Variants in PALLD observed in about 807,000 individuals in gnomAD.
PALLD encodes the protein palladin.
Under a neutral mutation model 123.5 loss-of-function variants are expected in PALLD, and 61 were observed. The ratio of observed to expected loss-of-function variants is 0.49; its 90% CI spans 0.40 to 0.61. PALLD has a LOEUF of 0.61. Ranked by LOEUF, PALLD falls within the 20% of genes least tolerant of loss-of-function variation. The pLI is 0.00. For missense variants in PALLD, 1,273 were observed against 1,377.0 expected (o/e 0.92, Z 1.20); for synonymous variants, 465 against 496.4 (o/e 0.94, Z 0.84).
intron 10 of PALLD, among the ~76,000 whole-genome samples, chr4:168,877,492 A>G (rs1227943813): frequency 3.9e-5 from 6 of 152,212 alleles, no homozygotes; most frequent in Admixed American, 6.5e-5. Context: ...GGATCACCTT[A>G]TGTGAAACTT....
At chr4:168,690,530 TTC>T in intron 6 of PALLD, 71 bp from the exon 7 acceptor site, 3 of 1,575,794 alleles carry the variant, frequency 1.9e-6, no homozygotes, top group Non-Finnish European at 2.6e-6. Context: ...GGAATTTTTA[TTC>T]TGTGTTGTGA....
At chr4:168,868,958 G>T (rs1750712222) in intron 10 of PALLD, among the ~76,000 whole-genome samples, 1 of 152,138 alleles carries the variant, frequency 6.6e-6, no homozygotes, top group African/African-American at 2.4e-5. Flanking sequence ...TTGCGTTTTT[G>T]ACTGATAACC....
chr4:168,627,600 T>C (rs1005085324), intron 2 of PALLD, among the ~76,000 whole-genome samples: 1 of 152,198 alleles, frequency 6.6e-6, no homozygotes, highest in African/African-American at 2.4e-5. Flanking sequence ...GACAGGCCTA[T>C]CTATGACTCT....
chr4:168,712,558 T>C (rs1784934715), intron 10 of PALLD, among the ~76,000 whole-genome samples: 1 of 152,180 alleles, frequency 6.6e-6, no homozygotes, highest in South Asian at 2.1e-4. Context: ...GCATGAGCTG[T>C]TTCCATTGGC....
At chr4:168,659,938 A>AT (rs1303653932) in intron 2 of PALLD, among the ~76,000 whole-genome samples, 3 of 152,182 alleles carry the variant, frequency 2.0e-5, no homozygotes, top group African/African-American at 7.2e-5. Flanking sequence ...GCCATATGTG[A>AT]TTTTTTAACA....
intron 18 of PALLD, 93 bp downstream of exon 18, chr4:168,921,834 T>C (rs920831869): frequency 1.3e-5 from 13 of 988,326 alleles, no homozygotes; most frequent in Non-Finnish European, 1.9e-5. Context: ...ATACGGAAAA[T>C]AAAGTATTGA....
At chr4:168,801,789 A>G (rs1430358131) in intron 10 of PALLD, among the ~76,000 whole-genome samples, 1 of 152,180 alleles carries the variant, frequency 6.6e-6, no homozygotes, top group Admixed American at 6.5e-5. Flanking sequence ...GGTGTCAGGG[A>G]ACCTGCCTGC....
intron 15 of PALLD, among the ~76,000 whole-genome samples, chr4:168,906,296 T>C (rs1271243691): frequency 1.3e-5 from 2 of 152,194 alleles, no homozygotes; most frequent in South Asian, 4.1e-4. Flanking sequence ...CAAAAGAACA[T>C]AAACGTAAAA....
intron 10 of PALLD, among the ~76,000 whole-genome samples, chr4:168,776,838 G>A (rs1037052484): frequency 1.3e-5 from 2 of 152,098 alleles, no homozygotes; most frequent in Non-Finnish European, 2.9e-5. Context: ...TCATCATGAT[G>A]TAATTACCTT....
chr4:168,540,984 C>T (rs1765554591), intron 2 of PALLD, among the ~76,000 whole-genome samples: 1 of 152,172 alleles, frequency 6.6e-6, no homozygotes, highest in East Asian at 1.9e-4. Context: ...AAATTGTTGA[C>T]CTATCATGGA....
At chr4:168,600,082 TATATACATGCATGTGTATGC>T (rs1772460239) in intron 2 of PALLD, among the ~76,000 whole-genome samples, 1 of 107,658 alleles carries the variant, frequency 9.3e-6, no homozygotes, top group Non-Finnish European at 2.3e-5. Context: ...TACACACACA[TATATACATGCATGTGTATGC>T]ACACATATAT....
intron 10 of PALLD, chr4:168,756,335 G>A (rs7439293): frequency 0.42 from 93,409 of 223,958 alleles, 23,643 homozygotes; most frequent in Non-Finnish European, 0.57. Context: ...AGAACATTTT[G>A]GATGGTATCT....
chr4:168,742,236 T>C (rs760350343), intron 10 of PALLD, among the ~76,000 whole-genome samples: 2 of 152,184 alleles, frequency 1.3e-5, no homozygotes, highest in Non-Finnish European at 2.9e-5. Context: ...CCTTCTTGAG[T>C]TCCATACCCA....
At chr4:168,653,951 C>T (rs537227541) in intron 2 of PALLD, among the ~76,000 whole-genome samples, 75 of 152,028 alleles carry the variant, frequency 4.9e-4, no homozygotes, top group African/African-American at 1.6e-3. Context: ...CCGCCCACCT[C>T]GACCTCCCAA....
chr4:168,797,243 C>T (rs4146679), intron 10 of PALLD, among the ~76,000 whole-genome samples: 3,160 of 152,200 alleles, frequency 0.021, 109 homozygotes, highest in East Asian at 0.17. Context: ...TTCGAATGTT[C>T]ATAGGCTTGC....
intron 10 of PALLD, among the ~76,000 whole-genome samples, chr4:168,809,576 C>T (rs531212778): frequency 5.3e-5 from 8 of 152,194 alleles, no homozygotes; most frequent in Admixed American, 1.3e-4. Context: ...AAGAACCAGA[C>T]GTGGGGCTGG....
In PALLD at chr4:168,606,605, C is replaced by T. The variant is rs191824524; in HGVS notation, c.909-61585C>T. ...AGGAGAATGGCTTGAACCTGGGAGGCGGAGCTTGCAGTGAGCCCACTGCAC... is the reference window on the plus strand; with the variant it reads ...AGGAGAATGGCTTGAACCTGGGAGGTGGAGCTTGCAGTGAGCCCACTGCAC... On this transcript the variant is annotated intron_variant, in intron 2 of 21. Transcript: ENST00000505667. Among the ~76,000 whole-genome samples, 505 of 141,002 alleles carry T rather than the reference C, an allele frequency of 3.6e-3. 5 individuals are homozygous for T. Among genetic ancestry groups the T allele is most frequent in the African/African-American group, 0.013 (475 of 37,534 alleles). The allele number at this position is 141,002 out of a possible 152,430, so 92.5% of individuals were successfully genotyped here.
At chr4:168,767,556 T>C (rs1733843870) in intron 10 of PALLD, among the ~76,000 whole-genome samples, 1 of 151,534 alleles carries the variant, frequency 6.6e-6, no homozygotes, top group Non-Finnish European at 1.5e-5. Context: ...TTTTTTTTTT[T>C]TTTTTTCCGA....
At chr4:168,512,908 G>C (rs28497503) in intron 2 of PALLD, among the ~76,000 whole-genome samples, 1 of 151,806 alleles carries the variant, frequency 6.6e-6, no homozygotes, top group African/African-American at 2.4e-5. Flanking sequence ...GCCTACTTGA[G>C]GGGGGAGAGT....
Sources: gnomAD v4.1 joint callset for allele counts (sites outside exome capture counted in the v4.1 genomes callset) on GRCh38, gnomAD v4.1.1 for gene constraint, MANE v1.5 for transcripts, NCBI Gene and HGNC (gene_info 2026-07-23, HGNC 2026-07-21) for gene names.